DPYD: variants seen among roughly 807,000 people sequenced by gnomAD.
The protein encoded by DPYD is dihydropyrimidine dehydrogenase, also known as dihydropyrimidine dehydrogenase [NADP(+)].
A neutral mutation model predicts 116.2 loss-of-function variants in DPYD; 109 were observed. That is an observed-to-expected ratio of 0.94 (90% CI 0.80 to 1.10). The LOEUF is 1.10. Ranked by LOEUF, DPYD falls within the 50% of genes least tolerant of loss-of-function variation. The pLI is 0.00. For missense variants in DPYD, 1,302 were observed against 1,254.5 expected (o/e 1.04, Z -0.57); for synonymous variants, 440 against 432.0 (o/e 1.02, Z -0.23).
intron 3 of DPYD, among the ~76,000 whole-genome samples, chr1:97,745,289 C>T (rs567260280): frequency 6.2e-4 from 95 of 152,146 alleles, no homozygotes; most frequent in African/African-American, 2.2e-3. Context: ...GCCTTTTAAC[C>T]ACACCTGTGA....
At chr1:97,690,837 G>A (rs1323499400) in intron 7 of DPYD, among the ~76,000 whole-genome samples, 3 of 151,834 alleles carry the variant, frequency 2.0e-5, no homozygotes, top group South Asian at 2.1e-4. Flanking sequence ...TTCATCACCC[G>A]GCCACTGTCA....
At chr1:97,125,212 AC>A (rs1055762472) in intron 20 of DPYD, among the ~76,000 whole-genome samples, 7 of 152,092 alleles carry the variant, frequency 4.6e-5, no homozygotes, top group Admixed American at 4.6e-4. Context: ...CCCATTTTTG[AC>A]TAAGATAAGA....
chr1:97,743,630 G>A (rs938905231), intron 3 of DPYD, among the ~76,000 whole-genome samples: 1 of 152,002 alleles, frequency 6.6e-6, no homozygotes, highest in African/African-American at 2.4e-5. Context: ...ATAGGCAAAT[G>A]GTGTAAATAA....
chr1:97,333,074 T>TTTC (rs1374078233), intron 16 of DPYD, among the ~76,000 whole-genome samples: 2 of 151,562 alleles, frequency 1.3e-5, no homozygotes, highest in Non-Finnish European at 2.9e-5. Context: ...TTTTTTTTTT[T>TTTC]TTCAGACAGA....
chr1:97,146,560 C>A (rs1344123475), intron 20 of DPYD, among the ~76,000 whole-genome samples: 1 of 152,204 alleles, frequency 6.6e-6, no homozygotes, highest in Non-Finnish European at 1.5e-5. Context: ...AGCCAATGGA[C>A]TTTCCATAAG....
intron 13 of DPYD, among the ~76,000 whole-genome samples, chr1:97,505,924 A>G (rs1647291427): frequency 6.6e-6 from 1 of 152,006 alleles, no homozygotes; most frequent in Non-Finnish European, 1.5e-5. Flanking sequence ...GGCTTAGCTG[A>G]AGTGAAAGAA....
At position 97,679,083 on chromosome 1, in the gene DPYD, T is replaced by G; in HGVS notation, c.850+12A>C. 7.3e-7 allele frequency: 1 copy of G among 1,362,518 alleles called. No individual in the cohort carries two copies. Among genetic ancestry groups the G allele is most frequent in the East Asian group, 2.4e-5 (1 of 41,610 alleles). 84.4% of individuals were successfully genotyped at this position (1,362,518 alleles called of 1,614,324 possible). ...CATTATAAATAAATATATTTAAGAG[T>G]AAACTACTCACCTATTCCAATGAAA... On this transcript the variant is annotated intron_variant, in intron 8 of 22. Transcript: ENST00000370192.
chr1:97,444,465 T>C (rs1432361606), intron 14 of DPYD, among the ~76,000 whole-genome samples: 2 of 152,160 alleles, frequency 1.3e-5, no homozygotes, highest in Non-Finnish European at 2.9e-5. Flanking sequence ...GAAATGCTCT[T>C]AATAAACTGT....
chr1:97,162,086 C>A (rs540395688), intron 20 of DPYD, among the ~76,000 whole-genome samples: 228 of 151,988 alleles, frequency 1.5e-3, no homozygotes, highest in Non-Finnish European at 2.6e-3. Flanking sequence ...GGTATATACC[C>A]AGTAATGGGA....
At chr1:97,569,164 T>G (rs568274186) in intron 11 of DPYD, among the ~76,000 whole-genome samples, 1 of 151,900 alleles carries the variant, frequency 6.6e-6, no homozygotes, top group African/African-American at 2.4e-5. Context: ...GTGAGATTAG[T>G]GAAAGGGTGG....
intron 10 of DPYD, among the ~76,000 whole-genome samples, chr1:97,581,321 A>C (rs1337250806): frequency 7.1e-5 from 6 of 83,936 alleles, no homozygotes; most frequent in Admixed American, 3.3e-4. Flanking sequence ...AGCGAGACTC[A>C]GTCTCAAAAA....
chr1:97,460,867 T>C (rs774039867), intron 13 of DPYD, among the ~76,000 whole-genome samples: 2 of 151,912 alleles, frequency 1.3e-5, no homozygotes, highest in Non-Finnish European at 2.9e-5. Flanking sequence ...GGAGAAACCC[T>C]GTCTCTACTA....
intron 3 of DPYD, among the ~76,000 whole-genome samples, chr1:97,772,946 T>G (rs1002917323): frequency 9.2e-5 from 14 of 152,230 alleles, no homozygotes; most frequent in Admixed American, 2.0e-4. Context: ...TTCCATGGCC[T>G]CTATGATTTT....
At chr1:97,660,467 T>G (rs1213357755) in intron 8 of DPYD, among the ~76,000 whole-genome samples, 1 of 152,156 alleles carries the variant, frequency 6.6e-6, no homozygotes, top group Non-Finnish European at 1.5e-5. Context: ...ACCCCATAAA[T>G]GTAAACTAGT....
chr1:97,842,979 C>T (rs61787781), intron 2 of DPYD, among the ~76,000 whole-genome samples: 3,086 of 152,126 alleles, frequency 0.02, 56 homozygotes, highest in Non-Finnish European at 0.032. Flanking sequence ...TTGTTCTGTA[C>T]TCACTGGAGA....
At chr1:97,899,588 T>C (rs1382412053) in intron 1 of DPYD, among the ~76,000 whole-genome samples, 1 of 151,890 alleles carries the variant, frequency 6.6e-6, no homozygotes, top group Non-Finnish European at 1.5e-5. Context: ...TATTCCCTAG[T>C]GTCCCACCTT....
intron 19 of DPYD, among the ~76,000 whole-genome samples, chr1:97,204,135 G>A (rs1283985955): frequency 2.0e-5 from 3 of 152,052 alleles, no homozygotes; most frequent in African/African-American, 7.2e-5. Context: ...TGGTAAACAC[G>A]GTGCATATTT....
Position 97,078,753 on chromosome 1 carries a change from C to T in DPYD, c.*223G>A. The T allele has an allele frequency of 3.7e-6, 2 of 539,762 alleles. No individual in the cohort carries two copies. Among genetic ancestry groups the T allele is most frequent in the Admixed American group, 3.1e-5 (1 of 32,498 alleles). The allele number at this position is 539,762 out of a possible 1,614,324, so 33.4% of individuals were successfully genotyped here. ...TAACTGCCACACAGTTATTTAACTA[C>T]TATCCTCAGAAAAGAATTATTCTAT... On this transcript the variant is annotated 3_prime_UTR_variant, in exon 23 of 23. Transcript: ENST00000370192.
intron 3 of DPYD, among the ~76,000 whole-genome samples, chr1:97,826,018 C>T (rs1669222305): frequency 9.6e-6 from 1 of 103,802 alleles, no homozygotes; most frequent in Admixed American, 1.1e-4. Flanking sequence ...CCAGACATTA[C>T]CAATAATGTG....
Sources: allele counts gnomAD v4.1 joint callset (sites outside exome capture counted in the v4.1 genomes callset), GRCh38; gene constraint gnomAD v4.1.1; transcripts MANE v1.5; gene names NCBI Gene and HGNC (gene_info 2026-07-23, HGNC 2026-07-21).